AHCTF1: variants seen among roughly 807,000 people sequenced by gnomAD.
The protein encoded by AHCTF1 is AT-hook containing transcription factor 1.
In AHCTF1, 24 loss-of-function variants were observed where a neutral mutation model predicts 248.4. The observed-to-expected ratio is 0.10, with a 90% CI of 0.07 to 0.14. The LOEUF (loss-of-function observed/expected upper bound fraction) is 0.14, where lower values mean the gene tolerates loss of function less well. Ranked by LOEUF, AHCTF1 falls within the 10% of genes least tolerant of loss-of-function variation. The pLI, the probability that AHCTF1 is intolerant of heterozygous loss-of-function variation, is 1.00. For synonymous variants in AHCTF1, 786 were observed against 929.8 expected, an observed-to-expected ratio of 0.85 and a Z score of 2.81; for missense variants, 2,206 against 2,636.2, an observed-to-expected ratio of 0.84 and a Z score of 3.57.
chr1:246,856,009 G>C (rs1406194058), intron 30 of AHCTF1, among the ~76,000 whole-genome samples, 182 bp from the exon 31 acceptor site: 1 of 152,180 alleles, frequency 6.6e-6, no homozygotes, highest in Non-Finnish European at 1.5e-5. Flanking sequence ...AAACAATGCT[G>C]TACTTGTTTT....
rs1168033637 is a variant in AHCTF1 at position 246,885,639 on chromosome 1, A to G, written c.2514T>C (p.Pro838=). The G allele has an allele frequency of 6.3e-7, 1 of 1,593,630 alleles. No individual in the cohort carries two copies. The highest frequency in any genetic ancestry group is 8.6e-7 in the Non-Finnish European group (1 of 1,168,236). Residue 838 remains proline (P), a synonymous_variant, in exon 21 of 36, where the codon CCT becomes CCC. Coordinates refer to ENST00000648844, the MANE Select transcript of AHCTF1 (RefSeq NM_001323342.2). ...DLLFHPATAK[P]LSWQHSKIIQ... ...TAATCTTTGAATGTTGCCATGACAAAGGTTTTGCAGTAGCTGGATGAAACA... is the reference window on the plus strand; with the variant it reads ...TAATCTTTGAATGTTGCCATGACAAGGGTTTTGCAGTAGCTGGATGAAACA...
At chr1:246,904,273 A>G (rs1665227203) in intron 6 of AHCTF1, among the ~76,000 whole-genome samples, 1 of 152,228 alleles carries the variant, frequency 6.6e-6, no homozygotes. Context: ...GAGATATCTT[A>G]TGTAGCAAAG....
At chr1:246,883,311 T>C (rs1255312312) in intron 21 of AHCTF1, among the ~76,000 whole-genome samples, 2 of 152,228 alleles carry the variant, frequency 1.3e-5, no homozygotes, top group East Asian at 3.8e-4. Flanking sequence ...CTATCCATGG[T>C]TCAAGGATAT....
At chr1:246,847,432 C>T (rs6688227) in intron 33 of AHCTF1, among the ~76,000 whole-genome samples, 103,058 of 152,222 alleles carry the variant, frequency 0.68, 36,810 homozygotes, top group African/African-American at 0.91. Flanking sequence ...TACAGGAAAA[C>T]GTGAATGGTG....
At position 246,850,985 on chromosome 1, in the gene AHCTF1, T is replaced by C. The variant is rs763029053; in HGVS notation, c.5021A>G (p.Asp1674Gly). 5.0e-6 allele frequency: 8 copies of C among 1,613,858 alleles called. No homozygotes were observed. Among genetic ancestry groups the C allele is most frequent in the South Asian group, 2.2e-5 (2 of 91,084 alleles). ...TTTACTTCTTGTGTCTTTAATTACA[T>C]CTAGTAAATTTTCTGCAATTGCTAC... ...IKVAIAENLL[D>G]VIKDTRSKEI... The change falls in exon 33 of 36, where the codon GAT (aspartate) becomes GGT (glycine). Residue 1674 changes from aspartate to glycine, a missense_variant. Transcript: ENST00000648844.
chr1:246,901,567 T>C (rs1258750066), intron 8 of AHCTF1, among the ~76,000 whole-genome samples: 1 of 152,052 alleles, frequency 6.6e-6, no homozygotes, highest in Non-Finnish European at 1.5e-5. Context: ...GAGCTTGCAG[T>C]GAGCTGAGAT....
chr1:246,862,991 T>C (rs1002732881), intron 27 of AHCTF1, among the ~76,000 whole-genome samples: 3 of 152,222 alleles, frequency 2.0e-5, no homozygotes, highest in African/African-American at 7.2e-5. Context: ...TAAATTCTGT[T>C]AGACATGTTA....
At position 246,907,688 on chromosome 1, in the gene AHCTF1, G is replaced by A. The variant is rs376794190; in HGVS notation, c.627C>T (p.Arg209=). Residue 209 remains arginine, a synonymous_variant, in exon 5 of 36, where the codon CGC becomes CGT. Transcript: ENST00000648844. ...GACTTACTAACTGGAAACACAGATGGCGCCCTTGTCTCATTACACTTTCTC... is the reference window on the plus strand; with the variant it reads ...GACTTACTAACTGGAAACACAGATGACGCCCTTGTCTCATTACACTTTCTC... The part of the protein sequence containing the change: ...HIRESVMRQG[R]HLCFQLVSPT... 6.3e-5 allele frequency: 101 copies of A among 1,613,816 alleles called. No individual in the cohort carries two copies. Among genetic ancestry groups the A allele is most frequent in the Non-Finnish European group, 7.9e-5 (93 of 1,179,950 alleles).
At chr1:246,853,921 A>G (rs1173813278) in intron 31 of AHCTF1, among the ~76,000 whole-genome samples, 1 of 152,208 alleles carries the variant, frequency 6.6e-6, no homozygotes, top group Non-Finnish European at 1.5e-5. Context: ...GTTTGGCAAA[A>G]AGAGGACGAC....
rs1663016593 is a variant in AHCTF1, at chr1:246,876,989, A to T, written c.2898T>A (p.Pro966=). ...VHHLQRANYV[P]ALKLNQTLKI... ...TCAGAGTTTGGTTCAGCTTCAAGGC[A>T]GGCACATAATTGGCACGCTGCAAAT... Residue 966 remains proline (P), a synonymous_variant, in exon 23 of 36, where the codon CCT becomes CCA. Coordinates refer to ENST00000648844, the MANE Select transcript of AHCTF1 (RefSeq NM_001323342.2). 1 of 1,612,022 alleles carries T rather than the reference A, an allele frequency of 6.2e-7. No individual in the cohort carries two copies. The highest frequency in any genetic ancestry group is 1.7e-5 in the Admixed American group (1 of 60,006).
intron 24 of AHCTF1, among the ~76,000 whole-genome samples, chr1:246,869,264 C>T (rs1180633514): frequency 1.3e-5 from 2 of 152,144 alleles, no homozygotes; most frequent in African/African-American, 2.4e-5. Flanking sequence ...CCCCGCGTCT[C>T]TCCCTTTCCC....
intron 32 of AHCTF1, among the ~76,000 whole-genome samples, chr1:246,851,706 C>T (rs1197616720): frequency 6.6e-6 from 1 of 151,994 alleles, no homozygotes; most frequent in African/African-American, 2.4e-5. Context: ...AGACAGTCAA[C>T]AAAAGCTTGA....
chr1:246,863,598 C>T (rs148581930), intron 27 of AHCTF1, among the ~76,000 whole-genome samples: 1 of 152,146 alleles, frequency 6.6e-6, no homozygotes, highest in East Asian at 1.9e-4. Context: ...GAAGAAATAA[C>T]AGCATAATGA....
chr1:246,881,680 A>G (rs1663421288), intron 21 of AHCTF1, among the ~76,000 whole-genome samples: 1 of 151,890 alleles, frequency 6.6e-6, no homozygotes, highest in Non-Finnish European at 1.5e-5. Flanking sequence ...TCTACTAAAA[A>G]TACAAAAATT....
chr1:246,853,625 G>A (rs941521463), intron 31 of AHCTF1, among the ~76,000 whole-genome samples: 1 of 150,918 alleles, frequency 6.6e-6, no homozygotes, highest in Non-Finnish European at 1.5e-5. Context: ...CAGACAACCA[G>A]CTATCCTTGT....
Position 246,850,855 on chromosome 1 carries a change from A to G in AHCTF1, c.5151T>C (p.Thr1717=), listed in dbSNP as rs1351836369. Residue 1717 remains threonine (T), a synonymous_variant, in exon 33 of 36, where the codon ACT becomes ACC. Coordinates refer to ENST00000648844, the MANE Select transcript of AHCTF1 (RefSeq NM_001323342.2). ...TAGTCATTGTGCTTGTTTCCTGAGC[A>G]GTCTTAAATGCAGATTTGACCAATT... ...PTKLVKSAFK[T]AQETSTMTMN... 1.2e-6 allele frequency: 2 copies of G among 1,613,962 alleles called. No homozygotes were observed. Among genetic ancestry groups the G allele is most frequent in the African/African-American group, 1.3e-5 (1 of 75,040 alleles).
intron 1 of AHCTF1, among the ~76,000 whole-genome samples, chr1:246,930,229 C>T (rs960012636): frequency 1.3e-4 from 20 of 152,180 alleles, no homozygotes; most frequent in African/African-American, 4.8e-4. Context: ...CTCGAACTCT[C>T]AGTTTGAGGC....
At chr1:246,872,948 A>C (rs1013709442) in intron 24 of AHCTF1, among the ~76,000 whole-genome samples, 1 of 152,224 alleles carries the variant, frequency 6.6e-6, no homozygotes, top group Non-Finnish European at 1.5e-5. Context: ...TCAAAAATCC[A>C]AATCGCCTCC....
chr1:246,860,208 C>T (rs1414901594), intron 29 of AHCTF1, among the ~76,000 whole-genome samples: 9 of 151,808 alleles, frequency 5.9e-5, no homozygotes, highest in Non-Finnish European at 1.2e-4. Context: ...GCGGAGGTTG[C>T]AGTGAGCCGA....
Sources: allele counts gnomAD v4.1 joint callset (sites outside exome capture counted in the v4.1 genomes callset), GRCh38; gene constraint gnomAD v4.1.1; transcripts MANE v1.5; gene names NCBI Gene and HGNC (gene_info 2026-07-23, HGNC 2026-07-21).